Variants in BTAF1 observed in about 807,000 individuals in gnomAD.
BTAF1 encodes TATA-binding protein-associated factor 172.
BTAF1 carries 38 observed loss-of-function variants against 227.1 expected under a neutral mutation model. That is an observed-to-expected ratio of 0.17 (90% CI 0.13 to 0.22). The LOEUF (loss-of-function observed/expected upper bound fraction) is 0.22. Ranked by LOEUF, BTAF1 falls within the 10% of genes least tolerant of loss-of-function variation. The pLI is 1.00. For missense variants in BTAF1, 1,598 were observed against 2,204.0 expected (o/e 0.73, Z 5.51); for synonymous variants, 742 against 751.9 (o/e 0.99, Z 0.21).
chr10:92,018,131 T>C (rs1227936572), intron 33 of BTAF1, among the ~76,000 whole-genome samples: 1 of 152,118 alleles, frequency 6.6e-6, no homozygotes. Context: ...TCACCCAGGA[T>C]GGAGTGCAGT....
At chr10:92,003,576 A>C (rs1469116182) in intron 25 of BTAF1, among the ~76,000 whole-genome samples, 2 of 152,200 alleles carry the variant, frequency 1.3e-5, no homozygotes, top group Non-Finnish European at 2.9e-5. Context: ...CAAATGACAA[A>C]ATTACCTTCT....
At chr10:91,940,773 C>T (rs1033077223) in intron 3 of BTAF1, among the ~76,000 whole-genome samples, 2 of 152,092 alleles carry the variant, frequency 1.3e-5, no homozygotes, top group Admixed American at 6.6e-5. Flanking sequence ...CAGCTTCCGC[C>T]TCCTGGGTTC....
At chr10:91,945,070 A>G (rs755280928) in intron 4 of BTAF1, among the ~76,000 whole-genome samples, 1 of 152,218 alleles carries the variant, frequency 6.6e-6, no homozygotes, top group Non-Finnish European at 1.5e-5. Context: ...TGATGTTGAC[A>G]ACAACCACAA....
At position 92,008,809 on chromosome 10, in the gene BTAF1, A is replaced by G. The variant is rs763222045; in HGVS notation, c.3814-20A>G. On this transcript the variant is annotated intron_variant, in intron 26 of 37. Coordinates refer to ENST00000265990, the MANE Select transcript of BTAF1 (RefSeq NM_003972.3). ...ATAAATTTATGATGTATTCACATTT[A>G]TGATTTTTCTCTCTATCAGGATGGT... The G allele has an allele frequency of 6.4e-7, 1 of 1,550,618 alleles. No individual in the cohort carries two copies. Among genetic ancestry groups the G allele is most frequent in the Non-Finnish European group, 8.7e-7 (1 of 1,148,474 alleles).
intron 25 of BTAF1, 63 bp downstream of exon 25, chr10:91,997,814 T>C: frequency 6.4e-7 from 1 of 1,550,678 alleles, no homozygotes; most frequent in Non-Finnish European, 8.8e-7. Flanking sequence ...ATAATAATTG[T>C]AACCCTTTTT....
Position 92,013,973 on chromosome 10 carries a change from C to A in BTAF1, c.4528C>A (p.Gln1510Lys). Residue 1510 changes from glutamine (Q) to lysine (K), a missense_variant, in exon 32 of 38, where the codon CAG becomes AAG. By Grantham distance (53) the Gln-to-Lys change is moderately conservative (BLOSUM62 1). Transcript: ENST00000265990. ...GAGAAGAATGAAAGAAGATGTTTTG[C>A]AGGATCTTCCACCTAAAATTATTCA... ...LLRRMKEDVL[Q>K]DLPPKIIQDY... The A allele has an allele frequency of 6.2e-7, 1 of 1,613,672 alleles. No individual in the cohort carries two copies. Among genetic ancestry groups the A allele is most frequent in the Non-Finnish European group, 8.5e-7 (1 of 1,179,786 alleles).
At chr10:91,953,482 G>T (rs574409386) in intron 5 of BTAF1, among the ~76,000 whole-genome samples, 11 of 151,982 alleles carry the variant, frequency 7.2e-5, no homozygotes, top group East Asian at 1.9e-4. Flanking sequence ...TCATACATTT[G>T]TGCCTCATAA....
At chr10:92,016,564 T>A (rs1054351554) in intron 33 of BTAF1, 99 bp downstream of exon 33, 2 of 1,034,424 alleles carry the variant, frequency 1.9e-6, no homozygotes, top group East Asian at 6.2e-5. Flanking sequence ...CTGCAACCTC[T>A]GCCTCCTGGG....
intron 3 of BTAF1, 73 bp from the exon 4 acceptor site, chr10:91,942,349 T>A: frequency 6.9e-6 from 8 of 1,160,776 alleles, no homozygotes; most frequent in Non-Finnish European, 9.9e-6. Context: ...GCAACCCAAG[T>A]AATGATATGC....
chr10:92,017,804 C>T (rs999525938), intron 33 of BTAF1, among the ~76,000 whole-genome samples: 6 of 152,198 alleles, frequency 3.9e-5, no homozygotes, highest in African/African-American at 1.4e-4. Flanking sequence ...AACCACTGCA[C>T]CTGGCCTCTC....
intron 4 of BTAF1, among the ~76,000 whole-genome samples, chr10:91,947,595 A>G (rs1468695559): frequency 2.0e-5 from 3 of 152,146 alleles, no homozygotes; most frequent in Non-Finnish European, 2.9e-5. Context: ...CACATTGTCT[A>G]AATTATTGTT....
rs551815119 is a variant in BTAF1 at position 91,946,300 on chromosome 10, G to A, written c.400+3732G>A. On this transcript the variant is annotated intron_variant, in intron 4 of 37. Transcript: ENST00000265990. ...CTTCAACCTGGGAGGCAGAGATTGC[G>A]GTGACCCAAGATCGCGCCATTGCAC... Among the ~76,000 whole-genome samples the A allele has an allele frequency of 4.6e-5, 7 of 152,164 alleles. No individual in the cohort carries two copies. In the South Asian group the frequency reaches 1.2e-3, roughly 27 times the overall value.
At chr10:91,958,952 T>G in intron 8 of BTAF1, 113 bp from the exon 9 acceptor site, 2 of 874,076 alleles carry the variant, frequency 2.3e-6, no homozygotes, top group East Asian at 5.2e-5. Context: ...AAAGTTCCAC[T>G]TAGTTTATTC....
chr10:92,025,738 C>T (rs1590007952), intron 35 of BTAF1, among the ~76,000 whole-genome samples: 1 of 142,790 alleles, frequency 7.0e-6, no homozygotes, highest in African/African-American at 2.7e-5. Flanking sequence ...ACCCGAGAGG[C>T]AGAGTTGCAG....
chr10:91,948,227 C>T (rs1845522424), intron 4 of BTAF1, among the ~76,000 whole-genome samples: 1 of 140,016 alleles, frequency 7.1e-6, no homozygotes, highest in African/African-American at 2.7e-5. Flanking sequence ...TCTCATTGTT[C>T]AGTTCCCACC....
At chr10:92,014,356 T>C (rs939760165) in intron 32 of BTAF1, among the ~76,000 whole-genome samples, 4 of 152,100 alleles carry the variant, frequency 2.6e-5, no homozygotes, top group Non-Finnish European at 5.9e-5. Context: ...GTCCCCCAAG[T>C]AGCTGGGACT....
intron 25 of BTAF1, among the ~76,000 whole-genome samples, chr10:92,004,243 T>C (rs1849734226): frequency 6.6e-6 from 1 of 152,178 alleles, no homozygotes. Flanking sequence ...GATGCAGTCC[T>C]ATTTGTCTAT....
intron 35 of BTAF1, 21 bp downstream of exon 35, chr10:92,024,988 T>A (rs758768279): frequency 6.3e-7 from 1 of 1,587,132 alleles, no homozygotes; most frequent in East Asian, 2.2e-5. Context: ...TCTAAGACTC[T>A]TATTCATAAA....
chr10:91,975,630 T>A (rs1847625284), intron 14 of BTAF1, among the ~76,000 whole-genome samples: 3 of 152,248 alleles, frequency 2.0e-5, no homozygotes, highest in Admixed American at 1.3e-4. Flanking sequence ...TCTCCTGATC[T>A]TCTTCCCTGC....
Sources: allele counts gnomAD v4.1 joint callset (sites outside exome capture counted in the v4.1 genomes callset), GRCh38; gene constraint gnomAD v4.1.1; transcripts MANE v1.5; gene names NCBI Gene and HGNC (gene_info 2026-07-23, HGNC 2026-07-21).